MAPK14: variants seen among roughly 807,000 people sequenced by gnomAD.
MAPK14 encodes mitogen-activated protein kinase 14.
MAPK14 carries 16 observed loss-of-function variants against 49.6 expected under a neutral mutation model. The observed-to-expected ratio is 0.32, with a 90% CI of 0.22 to 0.49. MAPK14 has a LOEUF of 0.49. MAPK14 is among the 20% of genes least tolerant of loss of function. The probability of loss-of-function intolerance (pLI) is 0.99; values close to 1 mark genes in which losing one functional copy is unlikely to be tolerated. For synonymous variants in MAPK14, 142 were observed against 158.0 expected (o/e 0.90, Z 0.76); for missense variants, 200 against 441.2 (o/e 0.45, Z 4.90).
intron 3 of MAPK14, among the ~76,000 whole-genome samples, chr6:36,071,055 A>G (rs944041356): frequency 2.6e-5 from 4 of 152,114 alleles, no homozygotes; most frequent in African/African-American, 9.7e-5. Context: ...CCTCTTAGCC[A>G]GGCACGGTAG....
At position 36,096,067 on chromosome 6, in the gene MAPK14, G is replaced by GT; in HGVS notation, c.762+2dup. 1 of 1,609,452 alleles carries GT rather than the reference G, an allele frequency of 6.2e-7. No individual in the cohort carries two copies. Among genetic ancestry groups the GT allele is most frequent in the Non-Finnish European group, 8.5e-7 (1 of 1,175,882 alleles). On this transcript the variant is annotated splice_donor_variant, in intron 9 of 11. Coordinates refer to ENST00000229794, the MANE Select transcript of MAPK14 (RefSeq NM_139012.3). LOFTEE classifies it high-confidence loss of function. The stretch of plus-strand genomic sequence containing the variant: ...TTTGAAGAAAATCTCCTCAGAGTCT[G>GT]TGAGTTGATGCTTTGTAATTATCTG...
At chr6:36,098,285 A>G (rs1765516455) in intron 9 of MAPK14, among the ~76,000 whole-genome samples, 1 of 152,228 alleles carries the variant, frequency 6.6e-6, no homozygotes, top group African/African-American at 2.4e-5. Context: ...AAAGGTATAA[A>G]TGGGTTGTGA....
Position 36,072,862 on chromosome 6 carries a change from C to T in MAPK14, c.306-11C>T, listed in dbSNP as rs200138293. 203 of 1,433,614 alleles carry T rather than the reference C, an allele frequency of 1.4e-4. 1 individual carries two copies. The African/African-American group carries it at 2.7e-3, about 19-fold the overall frequency. The allele number at this position is 1,433,614 out of a possible 1,614,324, so 88.8% of individuals were successfully genotyped here. On this transcript the variant is annotated splice_polypyrimidine_tract_variant and intron_variant, in intron 3 of 11. Coordinates refer to ENST00000229794, the MANE Select transcript of MAPK14 (RefSeq NM_139012.3). ...TTCTAGATTGTTATGTAACTTTTCA[C>T]TAATTTCTAGGTATCTGGTGACCCA...
At chr6:36,098,235 G>A (rs1045217298) in intron 9 of MAPK14, among the ~76,000 whole-genome samples, 1 of 152,210 alleles carries the variant, frequency 6.6e-6, no homozygotes, top group Admixed American at 6.5e-5. Context: ...GTAAGAGAAT[G>A]CAGTAATGGA....
chr6:36,097,126 T>C (rs1445748751), intron 9 of MAPK14: 1 of 152,242 alleles, frequency 6.6e-6, no homozygotes, highest in Non-Finnish European at 1.5e-5. Flanking sequence ...AATACCGTCA[T>C]CTGGTATGTA....
chr6:36,031,606 T>TG (rs1762546315), intron 1 of MAPK14, among the ~76,000 whole-genome samples: 1 of 152,116 alleles, frequency 6.6e-6, no homozygotes, highest in East Asian at 1.9e-4. Context: ...GGTTTCACCA[T>TG]GTTGGCCAGG....
In MAPK14 at chr6:36,072,945, T is replaced by C. The variant is rs202167664; in HGVS notation, c.378T>C (p.His126=). 7.6e-5 allele frequency: 123 copies of C among 1,613,274 alleles called. No homozygotes were observed. Among genetic ancestry groups the C allele is most frequent in the Middle Eastern group, 1.6e-4 (1 of 6,082 alleles). Reference sequence around the variant, plus strand: ...AATGTCAGAAGCTTACAGATGACCATGTTCAGTTCCTTATCTACCAAATTC... The same window carrying C: ...AATGTCAGAAGCTTACAGATGACCACGTTCAGTTCCTTATCTACCAAATTC... ...IVKCQKLTDD[H]VQFLIYQILR... Residue 126 remains histidine (H), a synonymous_variant, in exon 4 of 12, where the codon CAT becomes CAC. Transcript: ENST00000229794.
intron 9 of MAPK14, among the ~76,000 whole-genome samples, chr6:36,098,827 T>TA (rs2127470149): frequency 6.6e-6 from 1 of 152,340 alleles, no homozygotes; most frequent in Non-Finnish European, 1.5e-5. Flanking sequence ...TATCATTTGT[T>TA]ATGTGATTTG....
chr6:36,075,774 G>A, intron 6 of MAPK14, 74 bp from the exon 7 acceptor site: 1 of 1,601,620 alleles, frequency 6.2e-7, no homozygotes, highest in African/African-American at 1.3e-5. Flanking sequence ...TTTGTTTGTT[G>A]TTGTTGTTTT....
intron 3 of MAPK14, 144 bp downstream of exon 3, chr6:36,059,491 A>G (rs1763720800): frequency 3.0e-6 from 2 of 656,028 alleles, no homozygotes; most frequent in South Asian, 1.8e-5. Context: ...GTAGGGATGG[A>G]TACCAGAAGA....
At chr6:36,119,950 A>G in the MAPK14 span, among the ~76,000 whole-genome samples, 1 of 152,210 alleles carries the variant, frequency 6.6e-6, no homozygotes, top group African/African-American at 2.4e-5. Flanking sequence ...AGCAGACGAG[A>G]ATAATAAACA....
intron 3 of MAPK14, among the ~76,000 whole-genome samples, chr6:36,066,046 G>T (rs1350279789): frequency 6.6e-6 from 1 of 152,138 alleles, no homozygotes; most frequent in Non-Finnish European, 1.5e-5. Flanking sequence ...AAACATGTGG[G>T]TGAGCAGTTC....
chr6:36,106,295 C>T (rs148673863), intron 10 of MAPK14, among the ~76,000 whole-genome samples: 191 of 152,278 alleles, frequency 1.3e-3, no homozygotes, highest in African/African-American at 3.4e-3. Flanking sequence ...CAAAATCAGA[C>T]ACATCCCGAG....
chr6:36,059,913 T>C (rs1009312288), intron 3 of MAPK14, among the ~76,000 whole-genome samples: 1 of 152,224 alleles, frequency 6.6e-6, no homozygotes, highest in Non-Finnish European at 1.5e-5. Flanking sequence ...TGGGAGATGA[T>C]ACTAGAACTA....
At chr6:36,100,355 T>A in intron 9 of MAPK14, 1 of 972,092 alleles carries the variant, frequency 1.0e-6, no homozygotes, top group South Asian at 1.3e-5. Context: ...GTTCTTAACA[T>A]CACTGGATGC....
downstream of MAPK14, among the ~76,000 whole-genome samples, chr6:36,112,229 G>A (rs1404373533): frequency 6.6e-6 from 1 of 151,424 alleles, no homozygotes; most frequent in Non-Finnish European, 1.5e-5. Flanking sequence ...GAATCAGACC[G>A]TTGTAGGGAG....
At chr6:36,051,513 C>G (rs914572645) in intron 1 of MAPK14, among the ~76,000 whole-genome samples, 1 of 152,206 alleles carries the variant, frequency 6.6e-6, no homozygotes, top group African/African-American at 2.4e-5. Flanking sequence ...CCACTCTCCC[C>G]TTGCTCCCTG....
intron 1 of MAPK14, among the ~76,000 whole-genome samples, chr6:36,052,251 G>T (rs1260825558): frequency 6.6e-6 from 1 of 152,168 alleles, no homozygotes; most frequent in African/African-American, 2.4e-5. Context: ...TGAGGCCTAG[G>T]CAGGGAAGAC....
chr6:36,085,266 G>A (rs1424440517), intron 8 of MAPK14, among the ~76,000 whole-genome samples: 3 of 152,074 alleles, frequency 2.0e-5, no homozygotes, highest in Non-Finnish European at 4.4e-5. Context: ...CAACAAGTCT[G>A]CAAAATAACC....
Sources: allele counts gnomAD v4.1 joint callset (sites outside exome capture counted in the v4.1 genomes callset), GRCh38; gene constraint gnomAD v4.1.1; transcripts MANE v1.5; gene names NCBI Gene and HGNC (gene_info 2026-07-23, HGNC 2026-07-21).